SLCO1A2: variants seen among roughly 807,000 people sequenced by gnomAD.
SLCO1A2 encodes solute carrier organic anion transporter family member 1A2.
SLCO1A2 carries 67 observed loss-of-function variants against 69.0 expected under a neutral mutation model. The ratio of observed to expected loss-of-function variants is 0.97; its 90% CI spans 0.80 to 1.19. SLCO1A2 has a LOEUF of 1.19. Among genes scored for constraint, SLCO1A2 ranks in the 50% most tolerant of loss-of-function variants. The pLI, the probability that SLCO1A2 is intolerant of heterozygous loss-of-function variation, is 0.00. For synonymous variants in SLCO1A2, 260 were observed against 265.9 expected (o/e 0.98, Z 0.22); for missense variants, 787 against 793.7 (o/e 0.99, Z 0.10).
chr12:21,416,788 A>G (rs1267880826), intron 1 of SLCO1A2, among the ~76,000 whole-genome samples: 5 of 152,168 alleles, frequency 3.3e-5, no homozygotes, highest in South Asian at 4.1e-4. Context: ...AAAAAAATAC[A>G]TCATTGAATT....
At chr12:21,318,947 G>C (rs11568569) in intron 2 of SLCO1A2, 24 bp from the exon 3 acceptor site, 5 of 1,551,702 alleles carry the variant, frequency 3.2e-6, no homozygotes, top group African/African-American at 1.4e-5. Flanking sequence ...ATAAGAAAAC[G>C]TAGAAAAAAT....
intron 2 of SLCO1A2, among the ~76,000 whole-genome samples, chr12:21,350,835 C>CAAAAAAAAAAAAAAA (rs11454466): frequency 2.5e-5 from 1 of 40,732 alleles, no homozygotes; most frequent in African/African-American, 9.9e-5. Context: ...GACTCTGTCT[C>CAAAAAAAAAAAAAAA]AAAAAAAAAA....
At chr12:21,404,725 G>T (rs1941794224) in intron 1 of SLCO1A2, among the ~76,000 whole-genome samples, 1 of 152,142 alleles carries the variant, frequency 6.6e-6, no homozygotes, top group South Asian at 2.1e-4. Context: ...ATAACAGAAT[G>T]ATTTATGTTT....
At chr12:21,335,848 C>T (rs1210264425), upstream of SLCO1A2, among the ~76,000 whole-genome samples, 2 of 152,142 alleles carry the variant, frequency 1.3e-5, no homozygotes, top group Non-Finnish European at 2.9e-5. Flanking sequence ...AGTCATGGTG[C>T]TACGCACCAG....
rs543717663 is a variant in SLCO1A2, at chr12:21,267,581, A to C, written c.*1967T>G. 2 of 152,038 alleles carry C rather than the reference A, an allele frequency of 1.3e-5. No individual in the cohort carries two copies. The highest frequency in any genetic ancestry group is 2.9e-5 in the Non-Finnish European group (2 of 68,026). The allele number at this position is 152,038 out of a possible 1,614,324, so 9.4% of individuals were successfully genotyped here. A position where few individuals can be genotyped will look rare whatever the true frequency, so the allele number is the denominator to read the frequency against. On this transcript the variant is annotated 3_prime_UTR_variant, in exon 15 of 15. Transcript: ENST00000683939. ...CTAAATAGCCACAGAATTCCAAACT[A>C]TCTCTCATTCCCCTTCTTCTAATTT...
intron 1 of SLCO1A2, among the ~76,000 whole-genome samples, chr12:21,394,595 AAAAAAG>A (rs1222352009): frequency 6.6e-6 from 1 of 152,056 alleles, no homozygotes; most frequent in African/African-American, 2.4e-5. Flanking sequence ...AAAAACAAAA[AAAAAAG>A]AAAAAGAAAA....
intron 4 of SLCO1A2, among the ~76,000 whole-genome samples, chr12:21,310,811 G>T (rs1181256299): frequency 6.6e-6 from 1 of 152,130 alleles, no homozygotes; most frequent in East Asian, 1.9e-4. Context: ...CACCGTGTTA[G>T]CCAGGATGGT....
intron 1 of SLCO1A2, among the ~76,000 whole-genome samples, chr12:21,400,459 G>A (rs1448067546): frequency 2.0e-5 from 3 of 151,532 alleles, no homozygotes; most frequent in Non-Finnish European, 4.4e-5. Flanking sequence ...CATTGTGGAA[G>A]TCAGTGTGGC....
At chr12:21,305,961 T>A (rs1949327452) in intron 5 of SLCO1A2, among the ~76,000 whole-genome samples, 1 of 152,182 alleles carries the variant, frequency 6.6e-6, no homozygotes, top group South Asian at 2.1e-4. Flanking sequence ...ACAAGTCTCT[T>A]AGCAGAAGGG....
At position 21,319,014 on chromosome 12, in the gene SLCO1A2, G is replaced by C. The variant is rs2219792; in HGVS notation, c.61-91C>G. 1.6e-3 allele frequency: 1,547 copies of C among 940,152 alleles called. 16 individuals carry two copies. The African/African-American group carries it at 0.021, about 13-fold the overall frequency. 58.2% of individuals were successfully genotyped at this position (940,152 alleles called of 1,614,324 possible). On this transcript the variant is annotated intron_variant, in intron 2 of 14. Transcript: ENST00000683939. ...ACAAAATGCCTTCCACCATAAGACTGATTGTCTCCAACTTAAGTAACCTTT... is the reference window on the plus strand; with the variant it reads ...ACAAAATGCCTTCCACCATAAGACTCATTGTCTCCAACTTAAGTAACCTTT...
upstream of SLCO1A2, among the ~76,000 whole-genome samples, chr12:21,398,210 G>A (rs1438493691): frequency 1.3e-5 from 2 of 151,034 alleles, no homozygotes; most frequent in African/African-American, 4.8e-5. Flanking sequence ...CGATCCCACA[G>A]AAACACAAAC....
rs561043937 is a variant in SLCO1A2, at chr12:21,410,183, T to G, written c.-312+7699A>C. Among the ~76,000 whole-genome samples, 5 of 152,312 alleles carry G rather than the reference T, an allele frequency of 3.3e-5. No individual in the cohort carries two copies. The East Asian group carries it at 9.6e-4, about 29-fold the overall frequency. Reference sequence around the variant, plus strand: ...CTATCTCCTCCAGTCTGAGGAAATCTCTAGATCAATCTTGAGTCCATCACT... The same window carrying G: ...CTATCTCCTCCAGTCTGAGGAAATCGCTAGATCAATCTTGAGTCCATCACT... On this transcript the variant is annotated intron_variant, in intron 1 of 4. Coordinates refer to the SLCO1A2 transcript ENST00000413682.
Position 21,292,222 on chromosome 12 carries a change from C to T in SLCO1A2, c.1552G>A (p.Ala518Thr), listed in dbSNP as rs187576708. The change falls in exon 12 of 15, where the codon GCG (alanine) becomes ACG (threonine). Residue 518 changes from alanine (A) to threonine (T), a missense_variant. Physicochemically the swap from Ala to Thr is moderately conservative, Grantham distance 58. Coordinates refer to ENST00000683939, the MANE Select transcript of SLCO1A2 (RefSeq NM_001386879.1). ...AAAGAATAAATGAAACTGCTCATCG[C>T]TGACAAGATTAGGAAGTACTGGAGC... ...LMLQYFLILSAMSSFIYSLAA... is the reference protein window; with the variant it reads ...LMLQYFLILSTMSSFIYSLAA... 6 of 1,612,572 alleles carry T rather than the reference C, an allele frequency of 3.7e-6. No homozygotes were observed. The Admixed American group carries it at 1.0e-4, about 27-fold the overall frequency.
upstream of SLCO1A2, among the ~76,000 whole-genome samples, chr12:21,418,582 G>T (rs1248089582): frequency 6.6e-6 from 1 of 152,088 alleles, no homozygotes; most frequent in Non-Finnish European, 1.5e-5. Context: ...CAAGTGAAAG[G>T]GAAAACCCCT....
Position 21,295,508 on chromosome 12 carries a change from A to C in SLCO1A2, c.1271+89T>G, listed in dbSNP as rs1481287396. Reference sequence around the variant, plus strand: ...GATTACTATCATTAACTCCAATAAGAAAATGATCTGATCGTGCATTGCCAT... The same window carrying C: ...GATTACTATCATTAACTCCAATAAGCAAATGATCTGATCGTGCATTGCCAT... On this transcript the variant is annotated intron_variant, in intron 10 of 14. Transcript: ENST00000683939. The C allele has an allele frequency of 9.7e-6, 8 of 821,836 alleles. No individual in the cohort carries two copies. The East Asian group carries it at 2.0e-4, about 20-fold the overall frequency. 50.9% of individuals were successfully genotyped at this position (821,836 alleles called of 1,614,324 possible).
At chr12:21,353,309 A>G (rs1316683991) in intron 2 of SLCO1A2, among the ~76,000 whole-genome samples, 1 of 152,154 alleles carries the variant, frequency 6.6e-6, no homozygotes, top group Admixed American at 6.6e-5. Context: ...GTTCCTAAAT[A>G]TGGAGCAAAA....
At chr12:21,311,388 T>A (rs1264002066) in intron 4 of SLCO1A2, among the ~76,000 whole-genome samples, 1 of 152,076 alleles carries the variant, frequency 6.6e-6, no homozygotes, top group East Asian at 1.9e-4. Context: ...AGGTTTTCAA[T>A]TTATGTTACT....
upstream of SLCO1A2, among the ~76,000 whole-genome samples, chr12:21,418,755 C>CA (rs554878557): frequency 1.4e-3 from 208 of 152,124 alleles, 1 homozygote; most frequent in Middle Eastern, 3.4e-3. Flanking sequence ...ACAGCCAAAC[C>CA]ATATCAGTCA....
At chr12:21,364,202 A>C (rs1939181562) in intron 2 of SLCO1A2, among the ~76,000 whole-genome samples, 1 of 152,214 alleles carries the variant, frequency 6.6e-6, no homozygotes, top group Admixed American at 6.5e-5. Flanking sequence ...ATCCACCATG[A>C]TCAAGTTGGC....
Sources: allele counts gnomAD v4.1 joint callset (sites outside exome capture counted in the v4.1 genomes callset), GRCh38; gene constraint gnomAD v4.1.1; transcripts MANE v1.5; gene names NCBI Gene and HGNC (gene_info 2026-07-23, HGNC 2026-07-21).